KLHL25: variants seen among roughly 807,000 people sequenced by gnomAD.
The protein encoded by KLHL25 is kelch like family member 25.
Under a neutral mutation model 30.0 loss-of-function variants are expected in KLHL25, and 41 were observed. That is an observed-to-expected ratio of 1.37 (90% confidence interval 1.07 to 1.78). The LOEUF (loss-of-function observed/expected upper bound fraction) is 1.78. KLHL25 is among the 40% of genes most tolerant of loss of function. The pLI is 0.00. For missense variants in KLHL25, 971 were observed against 824.5 expected, an observed-to-expected ratio of 1.18 and a Z score of -2.18; for synonymous variants, 399 against 355.3, an observed-to-expected ratio of 1.12 and a Z score of -1.38.
chr15:85,762,229 G>A (rs2089587955), intron 2 of KLHL25: 1 of 152,406 alleles, frequency 6.6e-6, no homozygotes, highest in Non-Finnish European at 1.5e-5. Flanking sequence ...GAACCTCTGG[G>A]GCCTGGCTGC....
At position 85,779,521 on chromosome 15, in the gene KLHL25, G is replaced by C. The variant is rs111629816; in HGVS notation, c.-10-9701C>G. Among the ~76,000 whole-genome samples the C allele has an allele frequency of 5.2e-3, 793 of 152,336 alleles. 8 individuals carry two copies. The highest frequency in any genetic ancestry group is 0.02 in the Middle Eastern group (6 of 294). On this transcript the variant is annotated intron_variant, in intron 1 of 2. Transcript: ENST00000337975. Reference sequence around the variant, plus strand: ...ACATCTAAAATGGCTTAGGGGTAGGGAGGTGCCAACAAGATTGAGAAACAC... The same window carrying C: ...ACATCTAAAATGGCTTAGGGGTAGGCAGGTGCCAACAAGATTGAGAAACAC...
intron 1 of KLHL25, chr15:85,771,145 T>A: frequency 5.7e-6 from 1 of 175,106 alleles, no homozygotes; most frequent in East Asian, 1.2e-4. Context: ...GGACCTACGC[T>A]CCAGCTGTGG....
rs115759005 is a variant in KLHL25 at position 85,769,483 on chromosome 15, T to C, written c.328A>G (p.Ile110Val). 244 of 1,614,050 alleles carry C rather than the reference T, an allele frequency of 1.5e-4. 1 individual carries two copies. The African/African-American group carries it at 2.7e-3, about 18-fold the overall frequency. The change falls in exon 2 of 3, where the codon ATC becomes GTC. Residue 110 changes from isoleucine (I) to valine (V), a missense_variant. Coordinates refer to ENST00000337975, the MANE Select transcript of KLHL25 (RefSeq NM_022480.4). Reference sequence around the variant, plus strand: ...TCAGCGTTCTCCTCGTTGATGGCGATGCGTGAGGAGTAGGCAAAGTCCAGC... The same window carrying C: ...TCAGCGTTCTCCTCGTTGATGGCGACGCGTGAGGAGTAGGCAAAGTCCAGC... Reference protein sequence around the residue: ...LLLDFAYSSRIAINEENAESL... With the variant: ...LLLDFAYSSRVAINEENAESL...
At chr15:85,765,739 C>T (rs12899481) in intron 2 of KLHL25, among the ~76,000 whole-genome samples, 29,514 of 146,582 alleles carry the variant, frequency 0.2, 3,861 homozygotes, top group Middle Eastern at 0.41. Context: ...GGCTGAGGAA[C>T]GAGAATTCCT....
intron 1 of KLHL25, among the ~76,000 whole-genome samples, chr15:85,785,284 G>A (rs995972354): frequency 6.6e-6 from 1 of 151,948 alleles, no homozygotes; most frequent in Non-Finnish European, 1.5e-5. Flanking sequence ...TAGTAGAGAC[G>A]AGGTTTCACA....
At chr15:85,782,224 T>C (rs1470090522) in intron 1 of KLHL25, among the ~76,000 whole-genome samples, 12 of 152,074 alleles carry the variant, frequency 7.9e-5, no homozygotes, top group Non-Finnish European at 1.6e-4. Context: ...TAGCCAGTCA[T>C]TCATATACAC....
chr15:85,770,184 C>A (rs2089661775), intron 1 of KLHL25, among the ~76,000 whole-genome samples: 1 of 152,220 alleles, frequency 6.6e-6, no homozygotes, highest in African/African-American at 2.4e-5. Context: ...TGCTAAGTAA[C>A]TGGTGCCTTT....
Position 85,768,858 on chromosome 15 carries a change from T to C in KLHL25, c.953A>G (p.Lys318Arg), listed in dbSNP as rs2089645800. The C allele has an allele frequency of 1.2e-6, 2 of 1,613,356 alleles. No homozygotes were observed. The highest frequency in any genetic ancestry group is 1.7e-6 in the Non-Finnish European group (2 of 1,180,040). The change falls in exon 2 of 3, where the codon AAG becomes AGG. Residue 318 changes from lysine to arginine, a missense_variant. Transcript: ENST00000337975. ...DKIYQVDHKAKEIIPKADLPS... is the reference protein window; with the variant it reads ...DKIYQVDHKAREIIPKADLPS... ...CAGGTCGGCCTTGGGGATGATCTCC[T>C]TGGCCTTGTGGTCCACCTGGTAGAT... is the stretch of plus-strand genomic sequence containing the variant.
intron 1 of KLHL25, among the ~76,000 whole-genome samples, chr15:85,775,569 G>A (rs1235756876): frequency 6.6e-6 from 1 of 152,090 alleles, no homozygotes; most frequent in Non-Finnish European, 1.5e-5. Flanking sequence ...CATCATTCCC[G>A]TTTTATTGAT....
chr15:85,794,868 A>G lies in KLHL25; in HGVS notation c.-113T>C, dbSNP rs1450153043. 1 of 152,258 alleles carries G rather than the reference A, an allele frequency of 6.6e-6. No individual in the cohort carries two copies. The highest frequency in any genetic ancestry group is 2.4e-5 in the African/African-American group (1 of 41,440). The allele number at this position is 152,258 out of a possible 1,614,324, so 9.4% of individuals were successfully genotyped here. On this transcript the variant is annotated 5_prime_UTR_variant, in exon 1 of 3. Coordinates refer to ENST00000337975, the MANE Select transcript of KLHL25 (RefSeq NM_022480.4). The stretch of plus-strand genomic sequence containing the variant: ...CGCGGCTCCCGTCGGCCGGCTCTCC[A>G]CAGGCAAAAACGCTCTCGCTGCGAT...
At chr15:85,784,297 G>A (rs2089764599) in intron 1 of KLHL25, among the ~76,000 whole-genome samples, 1 of 152,170 alleles carries the variant, frequency 6.6e-6, no homozygotes, top group Admixed American at 6.5e-5. Context: ...GGGAGGCCAA[G>A]GCAGGCGGAT....
At chr15:85,792,847 C>T (rs528794516) in intron 1 of KLHL25, among the ~76,000 whole-genome samples, 242 of 152,278 alleles carry the variant, frequency 1.6e-3, no homozygotes, top group African/African-American at 5.7e-3. Context: ...CTCCTTCTCT[C>T]CTCTTGCTGC....
rs1378810675 is a variant in KLHL25, at chr15:85,794,920, G to A, written c.-165C>T. The A allele has an allele frequency of 2.0e-5, 3 of 152,468 alleles. No individual in the cohort carries two copies. The highest frequency in any genetic ancestry group is 7.2e-5 in the African/African-American group (3 of 41,450). 9.4% of individuals were successfully genotyped at this position (152,468 alleles called of 1,614,324 possible). On this transcript the variant is annotated 5_prime_UTR_variant, in exon 1 of 3. Coordinates refer to ENST00000337975, the MANE Select transcript of KLHL25 (RefSeq NM_022480.4). Reference sequence around the variant, plus strand: ...CAGCCTAGGCGCCGCCAACAAACTAGTTTCTCCGGCCTTCCCGCCCCGCCT... The same window carrying A: ...CAGCCTAGGCGCCGCCAACAAACTAATTTCTCCGGCCTTCCCGCCCCGCCT...
At position 85,789,964 on chromosome 15, in the gene KLHL25, G is replaced by A. The variant is rs1417707799; in HGVS notation, c.-11+4802C>T. On this transcript the variant is annotated intron_variant, in intron 1 of 2. Transcript: ENST00000337975. This position sits in a 1 kb window ranked among gnomAD's most constrained non-coding sequence, Gnocchi z 4.1. Reference sequence around the variant, plus strand: ...TCTGAATCGAGTCTTCAGGAAACTAGGAGCTTGCCTACGTCACCCCTCTCA... The same window carrying A: ...TCTGAATCGAGTCTTCAGGAAACTAAGAGCTTGCCTACGTCACCCCTCTCA... Among the ~76,000 whole-genome samples, 2 of 152,192 alleles carry A rather than the reference G, an allele frequency of 1.3e-5. No individual in the cohort carries two copies. Among genetic ancestry groups the A allele is most frequent in the Non-Finnish European group, 2.9e-5 (2 of 68,040 alleles).
chr15:85,768,800 C>G lies in KLHL25; in HGVS notation c.1011G>C (p.Ala337=). 1.2e-6 allele frequency: 2 copies of G among 1,613,290 alleles called. No homozygotes were observed. Among genetic ancestry groups the G allele is most frequent in the Non-Finnish European group, 1.7e-6 (2 of 1,180,034 alleles). ...PSPRKEFSAS[A]IGCKVYVTGG... ...CCGTCACATAGACCTTGCAGCCGAT[C>G]GCTGAGGCGCTGAACTCCTTCCGGG... Residue 337 remains alanine, a synonymous_variant, in exon 2 of 3, where the codon GCG becomes GCC. Transcript: ENST00000337975.
At chr15:85,767,060 G>A (rs532743450) in intron 2 of KLHL25, among the ~76,000 whole-genome samples, 187 of 146,086 alleles carry the variant, frequency 1.3e-3, no homozygotes, top group Non-Finnish European at 2.3e-3. Context: ...GCATGATCTT[G>A]GCTCACTGCA....
intron 1 of KLHL25, among the ~76,000 whole-genome samples, chr15:85,781,708 T>C (rs1437597120): frequency 6.6e-6 from 1 of 152,172 alleles, no homozygotes; most frequent in East Asian, 1.9e-4. Context: ...GGTCCTGAAC[T>C]CCTAATCTCC....
chr15:85,781,388 A>G (rs1027159419), intron 1 of KLHL25, among the ~76,000 whole-genome samples: 9 of 152,244 alleles, frequency 5.9e-5, no homozygotes, highest in Non-Finnish European at 8.8e-5. Flanking sequence ...TTTTAGTATT[A>G]CCACAAAAAT....
rs778075971 is a variant in KLHL25 at position 85,768,688 on chromosome 15, G to A, written c.1123C>T (p.Leu375=). Residue 375 remains leucine, a synonymous_variant, in exon 2 of 3, where the codon CTG becomes TTG. Coordinates refer to ENST00000337975, the MANE Select transcript of KLHL25 (RefSeq NM_022480.4). The stretch of plus-strand genomic sequence containing the variant: ...GAGCCATGGCCAAAGCGGGCAATCA[G>A]CATGGGCGCCGCCTTGGACCATTCC... ...HEEWSKAAPM[L]IARFGHGSAE... is the part of the protein sequence containing the mutation. 4 of 1,613,414 alleles carry A rather than the reference G, an allele frequency of 2.5e-6. No individual in the cohort carries two copies. Among genetic ancestry groups the A allele is most frequent in the South Asian group, 2.2e-5 (2 of 91,084 alleles).
Sources: allele counts gnomAD v4.1 joint callset (sites outside exome capture counted in the v4.1 genomes callset), GRCh38; gene constraint gnomAD v4.1.1; non-coding constraint Gnocchi (gnomAD v3.1); transcripts MANE v1.5; gene names NCBI Gene and HGNC (gene_info 2026-07-23, HGNC 2026-07-21).